HYDIN: variants seen among roughly 807,000 people sequenced by gnomAD.
The protein encoded by HYDIN is axonemal central pair apparatus protein HYDIN.
A neutral mutation model predicts 403.9 loss-of-function variants in HYDIN; 132 were observed. The observed-to-expected ratio is 0.33, with a 90% CI of 0.28 to 0.38. The LOEUF (loss-of-function observed/expected upper bound fraction) is 0.38. Among genes scored for constraint, HYDIN ranks in the 10% least tolerant of loss-of-function variants. The pLI is 1.00. For missense variants in HYDIN, 2,827 were observed against 5,009.5 expected (o/e 0.56, Z 13.15); for synonymous variants, 1,202 against 1,891.7 (o/e 0.64, Z 9.46).
At chr16:71,139,438 C>T (rs1450217807) in intron 7 of HYDIN, among the ~76,000 whole-genome samples, 4 of 152,152 alleles carry the variant, frequency 2.6e-5, no homozygotes, top group African/African-American at 9.6e-5. Context: ...ATATCAGACA[C>T]TAGGAATCAT....
intron 21 of HYDIN, among the ~76,000 whole-genome samples, chr16:71,021,658 AG>A: frequency 6.6e-6 from 1 of 152,142 alleles, no homozygotes; most frequent in Non-Finnish European, 1.5e-5. Flanking sequence ...TAGTATCATC[AG>A]GGGGTGACCA....
At chr16:71,203,957 T>C (rs1180794789) in intron 1 of HYDIN, 1 of 352,996 alleles carries the variant, frequency 2.8e-6, no homozygotes, top group Middle Eastern at 1.0e-3. Context: ...CCCGGCTACT[T>C]GGGAGACTGA....
intron 23 of HYDIN, among the ~76,000 whole-genome samples, chr16:70,997,170 A>G (rs548709793): frequency 1.4e-5 from 2 of 148,030 alleles, no homozygotes; most frequent in East Asian, 4.0e-4. Flanking sequence ...GACAGGAGGA[A>G]GAGCTCAGGT....
rs145342925 is a variant in HYDIN at position 70,804,668 on chromosome 16, T to C, written c.*2912A>G. ...TGTTCAAGTTGTTATCTCCAGAGCA[T>C]TGAGGGGAACTATGATCTTTAGCAG... On this transcript the variant is annotated 3_prime_UTR_variant, in exon 86 of 86. Transcript: ENST00000393567. Among the ~76,000 whole-genome samples the C allele has an allele frequency of 5.3e-5, 8 of 152,314 alleles. No individual in the cohort carries two copies. The highest frequency in any genetic ancestry group is 3.9e-4 in the East Asian group (2 of 5,184).
At chr16:70,943,330 T>C (rs1001289914) in intron 42 of HYDIN, among the ~76,000 whole-genome samples, 44 of 152,368 alleles carry the variant, frequency 2.9e-4, no homozygotes, top group African/African-American at 9.9e-4. Context: ...AATTCTATAA[T>C]CCTGCTACCC....
chr16:70,905,045 G>C (rs1447300966), intron 50 of HYDIN, among the ~76,000 whole-genome samples: 2 of 152,164 alleles, frequency 1.3e-5, no homozygotes, highest in African/African-American at 2.4e-5. Flanking sequence ...AAGGGAAAAA[G>C]AGGCACATCA....
In HYDIN at chr16:71,036,142, A is replaced by G. The variant is rs552028249; in HGVS notation, c.2530-4225T>C. 7.7e-3 allele frequency among the ~76,000 whole-genome samples: 1,174 copies of G among 152,204 alleles called. 1 individual carries two copies. Among genetic ancestry groups the G allele is most frequent in the African/African-American group, 0.027 (1,104 of 41,492 alleles). On this transcript the variant is annotated intron_variant, in intron 18 of 85. Transcript: ENST00000393567. ...CCAGATCTCAGATTTTGAAAGGTGA[A>G]GAGCTTACTCCATCAGAACACAGAT...
At position 71,175,640 on chromosome 16, in the gene HYDIN, T is replaced by A. The variant is rs1223458488; in HGVS notation, c.483A>T (p.Ile161=). The change falls in exon 5 of 86, where the codon ATA becomes ATT. Residue 161 remains isoleucine, a synonymous_variant. Coordinates refer to ENST00000393567, the MANE Select transcript of HYDIN (RefSeq NM_001270974.2). ...CCTCTGGAGTAAAGAGGATTCGGAATATGGAAGGCACTCCAGGAGCCACTT... is the reference window on the plus strand; with the variant it reads ...CCTCTGGAGTAAAGAGGATTCGGAAAATGGAAGGCACTCCAGGAGCCACTT... ...GHKVAPGVPS[I]FRILFTPEEN... 5.0e-6 allele frequency: 8 copies of A among 1,614,178 alleles called. No homozygotes were observed. Among genetic ancestry groups the A allele is most frequent in the Non-Finnish European group, 6.8e-6 (8 of 1,179,980 alleles).
At chr16:70,879,540 C>G in intron 61 of HYDIN, 54 bp from the exon 62 acceptor site, 1 of 1,607,132 alleles carries the variant, frequency 6.2e-7, no homozygotes, top group Non-Finnish European at 8.5e-7. Context: ...GGGAATGACA[C>G]TCCCTACAGA....
intron 14 of HYDIN, among the ~76,000 whole-genome samples, chr16:71,068,870 T>C (rs1597702034): frequency 1.3e-5 from 2 of 152,310 alleles, no homozygotes; most frequent in East Asian, 3.9e-4. Flanking sequence ...CCAGATATCA[T>C]CTTTGGCATA....
chr16:71,055,676 C>T (rs1305909924), intron 18 of HYDIN, among the ~76,000 whole-genome samples: 2 of 152,042 alleles, frequency 1.3e-5, no homozygotes, highest in African/African-American at 4.8e-5. Flanking sequence ...ATCTGAATTC[C>T]TGTTTCCTGG....
chr16:71,136,405 T>C (rs2084918858), intron 8 of HYDIN, among the ~76,000 whole-genome samples: 1 of 150,772 alleles, frequency 6.6e-6, no homozygotes, highest in East Asian at 1.9e-4. Flanking sequence ...AAGTATCTTT[T>C]CACTGAAAAA....
chr16:71,036,009 G>C (rs565466254), intron 18 of HYDIN, among the ~76,000 whole-genome samples: 1 of 151,478 alleles, frequency 6.6e-6, no homozygotes, highest in Admixed American at 6.6e-5. Flanking sequence ...TCTAGCCCTG[G>C]GTCTACAGTA....
At chr16:70,883,450 T>G (rs1597215286) in intron 59 of HYDIN, among the ~76,000 whole-genome samples, 2 of 151,826 alleles carry the variant, frequency 1.3e-5, no homozygotes, top group East Asian at 3.9e-4. Context: ...CTCCCTTAGG[T>G]ATATGCCCTG....
In HYDIN at chr16:70,809,766, G is replaced by C. The variant is rs1164881387; in HGVS notation, c.14883+17C>G. 11 of 1,580,964 alleles carry C rather than the reference G, an allele frequency of 7.0e-6. No individual in the cohort carries two copies. The highest frequency in any genetic ancestry group is 5.0e-5 in the Admixed American group (3 of 59,942). ...TCATGTGAGGGAAGGGCAGAAGGTAGAGCAGGGGCCACTCACCCTGCAGTA... is the reference window on the plus strand; with the variant it reads ...TCATGTGAGGGAAGGGCAGAAGGTACAGCAGGGGCCACTCACCCTGCAGTA... On this transcript the variant is annotated intron_variant, in intron 85 of 85. Coordinates refer to ENST00000393567, the MANE Select transcript of HYDIN (RefSeq NM_001270974.2).
intron 1 of HYDIN, 111 bp downstream of exon 1, chr16:71,230,451 T>G (rs2041230678): frequency 1.1e-5 from 14 of 1,320,038 alleles, no homozygotes; most frequent in Non-Finnish European, 1.4e-5. Flanking sequence ...CTGGAAAGTC[T>G]GGAGAACGCC....
At chr16:71,114,479 T>G (rs2083940993) in intron 10 of HYDIN, among the ~76,000 whole-genome samples, 2 of 152,044 alleles carry the variant, frequency 1.3e-5, no homozygotes, top group South Asian at 4.1e-4. Flanking sequence ...TTTCCCTACC[T>G]TGGTCCTGAA....
chr16:71,215,285 G>T (rs1294885812), intron 1 of HYDIN, among the ~76,000 whole-genome samples: 1 of 152,000 alleles, frequency 6.6e-6, no homozygotes, highest in Non-Finnish European at 1.5e-5. Flanking sequence ...GAAGGAAGGA[G>T]GGAGGGAAAG....
chr16:71,051,883 A>G (rs972842027), intron 18 of HYDIN, among the ~76,000 whole-genome samples: 11 of 152,224 alleles, frequency 7.2e-5, no homozygotes, highest in African/African-American at 2.7e-4. Context: ...AGCTGACACA[A>G]GAAAATTCAA....
Sources: allele counts gnomAD v4.1 joint callset (sites outside exome capture counted in the v4.1 genomes callset), GRCh38; gene constraint gnomAD v4.1.1; transcripts MANE v1.5; gene names NCBI Gene and HGNC (gene_info 2026-07-23, HGNC 2026-07-21).